Variants in RBFOX1 observed in about 807,000 individuals in gnomAD.
The protein encoded by RBFOX1 is RNA binding fox-1 homolog 1, also known as RNA binding protein fox-1 homolog 1.
A neutral mutation model predicts 57.7 loss-of-function variants in RBFOX1; 8 were observed. The observed-to-expected ratio is 0.14, with a 90% CI of 0.08 to 0.25. RBFOX1 has a LOEUF of 0.25. Ranked by LOEUF, RBFOX1 falls within the 10% of genes least tolerant of loss-of-function variation. RBFOX1 has a pLI of 1.00. For missense variants in RBFOX1, 611 were observed against 548.5 expected (o/e 1.11, Z -1.14); for synonymous variants, 326 against 222.4 (o/e 1.47, Z -4.15).
chr16:5,771,982 A>G (rs548566989), intron 3 of RBFOX1, among the ~76,000 whole-genome samples: 4 of 152,082 alleles, frequency 2.6e-5, no homozygotes, highest in African/African-American at 9.6e-5. Flanking sequence ...GACCAGCCTG[A>G]CCAACATGGT....
At chr16:6,936,655 G>A (rs1006551448) in intron 3 of RBFOX1, among the ~76,000 whole-genome samples, 2 of 151,894 alleles carry the variant, frequency 1.3e-5, no homozygotes, top group African/African-American at 2.4e-5. Flanking sequence ...GACTATGACC[G>A]CTATTTCACA....
In RBFOX1 at chr16:7,220,287, C is replaced by A. The variant is rs145626902; in HGVS notation, c.27+168189C>A. 2.3e-3 allele frequency among the ~76,000 whole-genome samples: 356 copies of A among 152,262 alleles called. 4 individuals are homozygous for A. The highest frequency in any genetic ancestry group is 7.7e-3 in the African/African-American group (321 of 41,552). Reference sequence around the variant, plus strand: ...GGGCGTCTGGTCCTGCCCATTTTTCCTGGCTCTGACATTTCATCATGCTGA... The same window carrying A: ...GGGCGTCTGGTCCTGCCCATTTTTCATGGCTCTGACATTTCATCATGCTGA... On this transcript the variant is annotated intron_variant, in intron 4 of 15. Transcript: ENST00000550418.
intron 12 of RBFOX1, among the ~76,000 whole-genome samples, chr16:7,662,711 G>A (rs1010840510): frequency 1.3e-5 from 2 of 152,222 alleles, no homozygotes; most frequent in African/African-American, 4.8e-5. Flanking sequence ...TCACCCAGCT[G>A]CAGGTGGGCA....
intron 2 of RBFOX1, among the ~76,000 whole-genome samples, chr16:6,452,663 T>C (rs1180156355): frequency 6.6e-6 from 1 of 152,202 alleles, no homozygotes; most frequent in Non-Finnish European, 1.5e-5. Flanking sequence ...TAGGGATTGA[T>C]GGGAGCTGCC....
intron 3 of RBFOX1, among the ~76,000 whole-genome samples, chr16:5,807,571 T>G (rs928993125): frequency 4.6e-5 from 7 of 152,230 alleles, no homozygotes; most frequent in Admixed American, 3.3e-4. Context: ...TCGTTATAAC[T>G]TAATTGCATA....
At chr16:7,599,496 G>T (rs952518300) in intron 9 of RBFOX1, among the ~76,000 whole-genome samples, 3 of 152,158 alleles carry the variant, frequency 2.0e-5, no homozygotes, top group Admixed American at 1.3e-4. Context: ...TAAATAACTA[G>T]CCTTTCTGGA....
chr16:6,886,790 AAAAC>A (rs1279542439), intron 3 of RBFOX1, among the ~76,000 whole-genome samples: 1 of 151,926 alleles, frequency 6.6e-6, no homozygotes, highest in East Asian at 1.9e-4. Flanking sequence ...AAACAAAAAA[AAAAC>A]CAGAAAAAAA....
At chr16:6,065,506 G>T (rs889696) in intron 1 of RBFOX1, among the ~76,000 whole-genome samples, 1 of 152,126 alleles carries the variant, frequency 6.6e-6, no homozygotes, top group African/African-American at 2.4e-5. Flanking sequence ...TTTCCACTCA[G>T]TCCTCTGTCT....
At chr16:7,699,670 T>C (rs1232826896) in intron 14 of RBFOX1, among the ~76,000 whole-genome samples, 1 of 152,192 alleles carries the variant, frequency 6.6e-6, no homozygotes, top group Non-Finnish European at 1.5e-5. Flanking sequence ...ATATCAATAA[T>C]TGTGAGTTAC....
intron 3 of RBFOX1, among the ~76,000 whole-genome samples, chr16:5,671,961 A>G (rs1014422012): frequency 4.6e-5 from 7 of 152,172 alleles, no homozygotes; most frequent in African/African-American, 1.7e-4. Flanking sequence ...TTTTCTCTCA[A>G]AGTGATGAAG....
intron 3 of RBFOX1, among the ~76,000 whole-genome samples, chr16:6,661,082 T>A (rs2098698525): frequency 6.6e-6 from 1 of 152,228 alleles, no homozygotes; most frequent in Non-Finnish European, 1.5e-5. Context: ...GGAGCTGTTA[T>A]TCAGCTAAAT....
chr16:5,561,081 C>G lies in RBFOX1; in HGVS notation c.259-37821C>G, dbSNP rs116147322. Among the ~76,000 whole-genome samples the G allele has an allele frequency of 4.4e-3, 673 of 152,278 alleles. 1 individual carries two copies. The highest frequency in any genetic ancestry group is 0.015 in the African/African-American group (642 of 41,548). ...TTATCAATTCCCAAATGGATTCCCT[C>G]TGTTGTGTCTTCCTCCCAGTACAAC... is the stretch of plus-strand genomic sequence containing the variant. On this transcript the variant is annotated intron_variant, in intron 2 of 2. Coordinates refer to the RBFOX1 transcript ENST00000585867.
At chr16:6,792,178 C>G (rs538383671) in intron 3 of RBFOX1, among the ~76,000 whole-genome samples, 1 of 152,038 alleles carries the variant, frequency 6.6e-6, no homozygotes, top group South Asian at 2.1e-4. Context: ...TTTTTCTTAG[C>G]AGGTAGTTAA....
chr16:6,661,385 C>G (rs559859200), intron 3 of RBFOX1, among the ~76,000 whole-genome samples: 4 of 152,182 alleles, frequency 2.6e-5, no homozygotes, highest in African/African-American at 4.8e-5. Flanking sequence ...ATGGCGAATG[C>G]AAGTCCAGTG....
At chr16:5,511,363 A>T (rs903383238) in intron 2 of RBFOX1, among the ~76,000 whole-genome samples, 4 of 152,188 alleles carry the variant, frequency 2.6e-5, no homozygotes, top group African/African-American at 9.7e-5. Context: ...TTTTCTCTGC[A>T]GGGATGGTGG....
At chr16:7,250,582 A>T (rs1274197189) in intron 4 of RBFOX1, among the ~76,000 whole-genome samples, 1 of 152,230 alleles carries the variant, frequency 6.6e-6, no homozygotes, top group Non-Finnish European at 1.5e-5. Flanking sequence ...GACTAAGAGT[A>T]TATACCCCAG....
At chr16:5,956,604 G>C (rs1412981949) in intron 4 of RBFOX1, among the ~76,000 whole-genome samples, 1 of 147,824 alleles carries the variant, frequency 6.8e-6, no homozygotes, top group Non-Finnish European at 1.5e-5. Flanking sequence ...TAGCAAACTA[G>C]TGAGGAACAA....
intron 3 of RBFOX1, among the ~76,000 whole-genome samples, chr16:6,807,237 C>G (rs2087067775): frequency 3.9e-5 from 6 of 152,038 alleles, no homozygotes; most frequent in Admixed American, 3.3e-4. Context: ...CAAGTGACAG[C>G]TGATGCCCTC....
intron 3 of RBFOX1, among the ~76,000 whole-genome samples, chr16:5,852,718 A>C (rs986866331): frequency 1.3e-5 from 2 of 152,088 alleles, no homozygotes; most frequent in South Asian, 2.1e-4. Flanking sequence ...TAATCCCAGC[A>C]CTTTGGGAGG....
Sources: gnomAD v4.1 joint callset for allele counts (sites outside exome capture counted in the v4.1 genomes callset) on GRCh38, gnomAD v4.1.1 for gene constraint, MANE v1.5 for transcripts, NCBI Gene and HGNC (gene_info 2026-07-23, HGNC 2026-07-21) for gene names.